The following PHKB variants were observed in gnomAD, a reference collection of about 807,000 sequenced individuals.
PHKB encodes phosphorylase b kinase regulatory subunit beta.
PHKB carries 122 observed loss-of-function variants against 152.1 expected under a neutral mutation model. The observed-to-expected ratio is 0.80, with a 90% confidence interval of 0.69 to 0.93. The LOEUF is 0.93. Ranked by LOEUF, PHKB falls within the 40% of genes least tolerant of loss-of-function variation. The probability of loss-of-function intolerance (pLI) is 0.00; values close to 1 mark genes in which losing one functional copy is unlikely to be tolerated. For synonymous variants in PHKB, 436 were observed against 464.9 expected (o/e 0.94, Z 0.80); for missense variants, 1,304 against 1,328.4 (o/e 0.98, Z 0.29).
chr16:47,523,216 T>C (rs552164750), intron 6 of PHKB, among the ~76,000 whole-genome samples: 2 of 152,304 alleles, frequency 1.3e-5, no homozygotes, highest in African/African-American at 2.4e-5. Flanking sequence ...TCATCTTTCT[T>C]TGTTAAAACT....
At chr16:47,655,171 A>T (rs1331720766) in intron 20 of PHKB, among the ~76,000 whole-genome samples, 1 of 152,188 alleles carries the variant, frequency 6.6e-6, no homozygotes, top group Non-Finnish European at 1.5e-5. Flanking sequence ...ACACACAGGA[A>T]CTTAAAATAA....
intron 16 of PHKB, among the ~76,000 whole-genome samples, chr16:47,646,530 T>TAAAAAAAAAAAAAAAAAAAAAAAA (rs1208539721): frequency 2.2e-5 from 1 of 44,676 alleles, no homozygotes; most frequent in Admixed American, 2.4e-4. Context: ...TAGAGTATAA[T>TAAAAAAAAAAAAAAAAAAAAAAAA]AAAAAAAAAA....
chr16:47,613,299 T>C (rs2151710544), intron 14 of PHKB, among the ~76,000 whole-genome samples: 1 of 152,334 alleles, frequency 6.6e-6, no homozygotes, highest in South Asian at 2.1e-4. Context: ...AAGTGTCTTC[T>C]TCCAGTGGAG....
intron 12 of PHKB, among the ~76,000 whole-genome samples, chr16:47,595,548 A>G (rs1436831950): frequency 2.0e-5 from 3 of 152,150 alleles, no homozygotes; most frequent in African/African-American, 7.2e-5. Context: ...GTGATATTGA[A>G]TGGTAGATAA....
intron 26 of PHKB, among the ~76,000 whole-genome samples, chr16:47,679,956 T>G (rs1973816649): frequency 6.6e-6 from 1 of 152,216 alleles, no homozygotes; most frequent in Admixed American, 6.5e-5. Context: ...AATACCTAAT[T>G]TATTGAGAGT....
At chr16:47,556,847 C>T (rs1001046580) in intron 7 of PHKB, among the ~76,000 whole-genome samples, 5 of 152,128 alleles carry the variant, frequency 3.3e-5, no homozygotes, top group Non-Finnish European at 5.9e-5. Flanking sequence ...AGGAATGGTA[C>T]CAGCTCCTCC....
chr16:47,556,058 A>G (rs1219737173), intron 7 of PHKB, among the ~76,000 whole-genome samples: 1 of 152,174 alleles, frequency 6.6e-6, no homozygotes, highest in Non-Finnish European at 1.5e-5. Context: ...GAGTTCACTC[A>G]TGATTTGGCT....
At chr16:47,566,462 C>T (rs1971568867) in intron 7 of PHKB, 6 of 1,608,884 alleles carry the variant, frequency 3.7e-6, no homozygotes, top group Non-Finnish European at 3.4e-6. Flanking sequence ...AATCCAGGTC[C>T]TCAAATTCAG....
intron 16 of PHKB, among the ~76,000 whole-genome samples, chr16:47,644,857 AG>A (rs1480865363): frequency 1.3e-5 from 2 of 152,220 alleles, no homozygotes; most frequent in African/African-American, 4.8e-5. Context: ...GGCATATCAA[AG>A]GTGCTTGTGA....
At chr16:47,502,038 A>T (rs1298296899) in intron 3 of PHKB, among the ~76,000 whole-genome samples, 1 of 152,206 alleles carries the variant, frequency 6.6e-6, no homozygotes, top group African/African-American at 2.4e-5. Flanking sequence ...TCACCATACT[A>T]TGTCAAAATA....
chr16:47,583,040 A>G (rs1246717229), intron 8 of PHKB, among the ~76,000 whole-genome samples: 2 of 151,956 alleles, frequency 1.3e-5, no homozygotes, highest in African/African-American at 4.8e-5. Flanking sequence ...CAGGTGATCC[A>G]CCCGCCTTGG....
intron 20 of PHKB, among the ~76,000 whole-genome samples, chr16:47,659,857 T>TTTAG (rs1161703009): frequency 3.3e-5 from 5 of 150,770 alleles, no homozygotes; most frequent in Admixed American, 6.6e-5. Context: ...GATATTTTAT[T>TTTAG]TTATTTATTT....
At chr16:47,621,362 C>A (rs138488848) in intron 14 of PHKB, among the ~76,000 whole-genome samples, 3 of 152,236 alleles carry the variant, frequency 2.0e-5, no homozygotes, top group Admixed American at 1.3e-4. Flanking sequence ...TTGGTAGATA[C>A]ATTATATAGC....
At chr16:47,581,773 G>A (rs972638575) in intron 8 of PHKB, among the ~76,000 whole-genome samples, 4 of 152,096 alleles carry the variant, frequency 2.6e-5, no homozygotes, top group Admixed American at 2.6e-4. Context: ...TCCGCCTCCC[G>A]GGTTCAAGCA....
At chr16:47,539,837 C>A (rs892361471) in intron 6 of PHKB, among the ~76,000 whole-genome samples, 1 of 152,050 alleles carries the variant, frequency 6.6e-6, no homozygotes, top group Admixed American at 6.5e-5. Context: ...GGACGTATGT[C>A]ACGTCAGGAC....
intron 7 of PHKB, among the ~76,000 whole-genome samples, chr16:47,562,717 C>T (rs1449273871): frequency 1.3e-5 from 2 of 152,182 alleles, no homozygotes; most frequent in East Asian, 3.8e-4. Flanking sequence ...ATGGCTGTGA[C>T]ACTTTCTCAA....
At chr16:47,544,483 TTGCTGAGGAG>T (rs1971122749) in intron 6 of PHKB, among the ~76,000 whole-genome samples, 1 of 152,236 alleles carries the variant, frequency 6.6e-6, no homozygotes, top group Admixed American at 6.5e-5. Flanking sequence ...TCTTTTACAT[TTGCTGAGGAG>T]TGCTTTACTT....
chr16:47,565,656 C>G (rs1971552582), intron 7 of PHKB: 1 of 1,218,414 alleles, frequency 8.2e-7, no homozygotes, highest in Non-Finnish European at 1.2e-6. Context: ...ACTTCCTGTC[C>G]TCGACCATCC....
rs140078841 is a variant in PHKB at position 47,538,586 on chromosome 16, T to C, written c.595-8847T>C. Among the ~76,000 whole-genome samples the C allele has an allele frequency of 4.6e-5, 7 of 152,316 alleles. No individual in the cohort carries two copies. In the East Asian group the frequency reaches 1.4e-3, roughly 29 times the overall value. ...TTGCCCCTGAGGGCAAATGTCTCTG[T>C]TGGGGAGGAGAATGTAAACATCATG... On this transcript the variant is annotated intron_variant, in intron 6 of 30. Coordinates refer to ENST00000323584, the MANE Select transcript of PHKB (RefSeq NM_000293.3).
Sources: allele counts gnomAD v4.1 joint callset (sites outside exome capture counted in the v4.1 genomes callset), GRCh38; gene constraint gnomAD v4.1.1; transcripts MANE v1.5; gene names NCBI Gene and HGNC (gene_info 2026-07-23, HGNC 2026-07-21).